BRIP1: variants seen among roughly 807,000 people sequenced by gnomAD.
BRIP1 encodes Fanconi anemia group J protein.
Under a neutral mutation model 119.7 loss-of-function variants are expected in BRIP1, and 88 were observed. That is an observed-to-expected ratio of 0.74 (90% confidence interval 0.62 to 0.88). BRIP1 has a LOEUF of 0.88. Among genes scored for constraint, BRIP1 ranks in the 40% least tolerant of loss-of-function variants. The pLI is 0.00. For synonymous variants in BRIP1, 443 were observed against 496.5 expected (o/e 0.89, Z 1.43); for missense variants, 1,259 against 1,455.4 (o/e 0.87, Z 2.20).
chr17:61,797,917 A>C (rs1247068430), intron 9 of BRIP1, among the ~76,000 whole-genome samples: 1 of 151,910 alleles, frequency 6.6e-6, no homozygotes, highest in Non-Finnish European at 1.5e-5. Context: ...CAATTTCCAT[A>C]CTCTTATACA....
chr17:61,790,145 C>T (rs1350829895), intron 10 of BRIP1, among the ~76,000 whole-genome samples: 1 of 152,186 alleles, frequency 6.6e-6, no homozygotes, highest in Non-Finnish European at 1.5e-5. Flanking sequence ...AGTACTTCAA[C>T]TTCTGTCACC....
rs1232870158 is a variant in BRIP1, at chr17:61,699,639, G to T, written c.2493-6127C>A. Among the ~76,000 whole-genome samples the T allele has an allele frequency of 6.6e-6, 1 of 152,288 alleles. No individual in the cohort carries two copies. The highest frequency in any genetic ancestry group is 2.4e-5 in the African/African-American group (1 of 41,574). Reference sequence around the variant, plus strand: ...ATGCTGGTGCAGAAGAATTAACATTGTAGGTTGGATTGTTTACCCCTAGAA... The same window carrying T: ...ATGCTGGTGCAGAAGAATTAACATTTTAGGTTGGATTGTTTACCCCTAGAA... On this transcript the variant is annotated intron_variant, in intron 17 of 19. Transcript: ENST00000259008. This position sits in a 1 kb window ranked among gnomAD's most constrained non-coding sequence, Gnocchi z 4.8.
At chr17:61,813,411 C>T (rs942110928) in intron 6 of BRIP1, among the ~76,000 whole-genome samples, 2 of 151,978 alleles carry the variant, frequency 1.3e-5, no homozygotes, top group Non-Finnish European at 2.9e-5. Flanking sequence ...TTGCACATAA[C>T]TGTAACTTAG....
At position 61,690,534 on chromosome 17, in the gene BRIP1, G is replaced by A. The variant is rs1204111828; in HGVS notation, c.2575+2896C>T. Among the ~76,000 whole-genome samples the A allele has an allele frequency of 1.3e-5, 2 of 151,998 alleles. No homozygotes were observed. The highest frequency in any genetic ancestry group is 2.9e-5 in the Non-Finnish European group (2 of 67,982). On this transcript the variant is annotated intron_variant, in intron 18 of 19. Coordinates refer to ENST00000259008, the MANE Select transcript of BRIP1 (RefSeq NM_032043.3). The surrounding 1 kb of genome is among the most constrained non-coding windows in gnomAD (Gnocchi z 5.6). ...ATGTAAGACCCATGTAACCACAAAG[G>A]AAATATCTATAGAAGGTATACAAAA...
In BRIP1 at chr17:61,717,314, A is replaced by G. The variant is rs1471384939; in HGVS notation, c.2380-1251T>C. Among the ~76,000 whole-genome samples the G allele has an allele frequency of 6.6e-6, 1 of 152,104 alleles. No individual in the cohort carries two copies. The highest frequency in any genetic ancestry group is 1.5e-5 in the Non-Finnish European group (1 of 67,962). On this transcript the variant is annotated intron_variant, in intron 16 of 19. Coordinates refer to ENST00000259008, the MANE Select transcript of BRIP1 (RefSeq NM_032043.3). This position sits in a 1 kb window ranked among gnomAD's most constrained non-coding sequence, Gnocchi z 4.1. Reference sequence around the variant, plus strand: ...TAAAATATACCGTATTTACCCACAGATTTACCATTTCTGGCACTCTTCATT... The same window carrying G: ...TAAAATATACCGTATTTACCCACAGGTTTACCATTTCTGGCACTCTTCATT...
chr17:61,776,003 C>G lies in BRIP1; in HGVS notation c.2097+398G>C, dbSNP rs2077526807. 3 of 238,126 alleles carry G rather than the reference C, an allele frequency of 1.3e-5. No individual in the cohort carries two copies. The highest frequency in any genetic ancestry group is 2.5e-5 in the Non-Finnish European group (3 of 120,008). 14.8% of individuals were successfully genotyped at this position (238,126 alleles called of 1,614,324 possible). Reference sequence around the variant, plus strand: ...GGCTCAAGCAATCCTCCCACCTCAGCCTCGCAGGTAGCTGGGACTATAGGT... The same window carrying G: ...GGCTCAAGCAATCCTCCCACCTCAGGCTCGCAGGTAGCTGGGACTATAGGT... On this transcript the variant is annotated intron_variant, in intron 14 of 19. Coordinates refer to ENST00000259008, the MANE Select transcript of BRIP1 (RefSeq NM_032043.3). This position sits in a 1 kb window ranked among gnomAD's most constrained non-coding sequence, Gnocchi z 5.0.
rs141055990 is a variant in BRIP1 at position 61,808,531 on chromosome 17, T to C, written c.854A>G (p.His285Arg). The C allele has an allele frequency of 3.3e-5, 54 of 1,613,828 alleles. No individual in the cohort carries two copies. In the African/African-American group the frequency reaches 6.5e-4, roughly 20 times the overall value. ...GTTGAAGTTACCGACTACCTCAGGA[T>C]GGACACAAGTATGATCCCTGCTGGA... is the stretch of plus-strand genomic sequence containing the variant. ...ILSSRDHTCVHPEVVGNFNRN... is the reference protein window; with the variant it reads ...ILSSRDHTCVRPEVVGNFNRN... The change falls in exon 7 of 20, where the codon CAT becomes CGT. Residue 285 changes from histidine to arginine, a missense_variant. Physicochemically the swap from His to Arg is conservative, Grantham distance 29 (BLOSUM62 0). Around this residue, in one of 3 missense-constraint regions of BRIP1, gnomAD observed 501 missense variants for 544.0 expected, o/e 0.92. Transcript: ENST00000259008. This position sits in a 1 kb window ranked among gnomAD's most constrained non-coding sequence, Gnocchi z 4.1.
At chr17:61,801,168 AATT>A (rs2077983979) in intron 8 of BRIP1, 82 bp downstream of exon 8, 6 of 1,335,704 alleles carry the variant, frequency 4.5e-6, no homozygotes, top group Non-Finnish European at 6.4e-6. Flanking sequence ...AAGCAAAAAA[AATT>A]AAAACATCTA....
chr17:61,772,565 TC>T (rs1203809271), intron 14 of BRIP1, among the ~76,000 whole-genome samples: 1 of 152,126 alleles, frequency 6.6e-6, no homozygotes, highest in East Asian at 1.9e-4. Flanking sequence ...ACGCCTGTAA[TC>T]CCAGCACTTT....
At position 61,841,492 on chromosome 17, in the gene BRIP1, A is replaced by G. The variant is rs1481997842; in HGVS notation, c.627+5609T>C. On this transcript the variant is annotated intron_variant, in intron 6 of 19. Transcript: ENST00000259008. The surrounding 1 kb of genome is among the most constrained non-coding windows in gnomAD (Gnocchi z 4.1). ...CAGGGAAATATAAATCAAAAGCACA[A>G]TAAGATATCATCTCACTCAGTTAGA... is the stretch of plus-strand genomic sequence containing the variant. Among the ~76,000 whole-genome samples the G allele has an allele frequency of 2.6e-5, 4 of 152,194 alleles. No individual in the cohort carries two copies. The highest frequency in any genetic ancestry group is 1.9e-4 in the East Asian group (1 of 5,196).
At chr17:61,721,728 C>T (rs565440246) in intron 16 of BRIP1, among the ~76,000 whole-genome samples, 12 of 129,436 alleles carry the variant, frequency 9.3e-5, no homozygotes, top group South Asian at 2.5e-4. Flanking sequence ...GACAGAGTAC[C>T]GCTCAGTCAC....
In BRIP1 at chr17:61,805,025, G is replaced by A. The variant is rs11653175; in HGVS notation, c.918+3442C>T. 0.79 allele frequency among the ~76,000 whole-genome samples: 118,464 copies of A among 150,492 alleles called. 47,183 individuals carry two copies. Among genetic ancestry groups the A allele is most frequent in the African/African-American group, 0.87 (35,818 of 41,018 alleles). Reference sequence around the variant, plus strand: ...GTAAAATTAAATTGTATTTGTATACGTCTGTATAATAAATTAAATTGTATA... The same window carrying A: ...GTAAAATTAAATTGTATTTGTATACATCTGTATAATAAATTAAATTGTATA... On this transcript the variant is annotated intron_variant, in intron 7 of 19. Transcript: ENST00000259008. The surrounding 1 kb of genome is among the most constrained non-coding windows in gnomAD (Gnocchi z 5.6).
At chr17:61,716,836 T>TTTCCATTAC (rs2061886136) in intron 16 of BRIP1, among the ~76,000 whole-genome samples, 1 of 14,860 alleles carries the variant, frequency 6.7e-5, no homozygotes, top group Non-Finnish European at 1.5e-4. Flanking sequence ...TACTGGATTA[T>TTTCCATTAC]TAGCTATGTC....
Position 61,683,970 on chromosome 17 carries a change from A to G in BRIP1, c.3076T>C (p.Ser1026Pro), listed in dbSNP as rs756712872. 2 of 1,614,186 alleles carry G rather than the reference A, an allele frequency of 1.2e-6. No homozygotes were observed. Among genetic ancestry groups the G allele is most frequent in the South Asian group, 1.1e-5 (1 of 91,078 alleles). ...GGAGGACTAGAGGCACTATTCTCTG[A>G]TGACCCGAGCTCAGGTGTTGCCTTC... Reference protein sequence around the residue: ...IPKATPELGSSENSASSPPRF... With the variant: ...IPKATPELGSPENSASSPPRF... Residue 1026 changes from serine to proline, a missense_variant, in exon 20 of 20, where the codon TCA (serine) becomes CCA (proline). This residue lies in a region of BRIP1 where 753 missense variants were observed against 891.8 expected (regional missense o/e 0.84). Coordinates refer to ENST00000259008, the MANE Select transcript of BRIP1 (RefSeq NM_032043.3). The surrounding 1 kb of genome is among the most constrained non-coding windows in gnomAD (Gnocchi z 4.7).
intron 4 of BRIP1, among the ~76,000 whole-genome samples, chr17:61,850,597 G>A (rs2078804994): frequency 6.6e-6 from 1 of 152,040 alleles, no homozygotes; most frequent in Non-Finnish European, 1.5e-5. Flanking sequence ...GAAGGCCGAG[G>A]CGAGTGGATC....
chr17:61,787,122 ATAT>A (rs2077732530), intron 10 of BRIP1, among the ~76,000 whole-genome samples: 1 of 111,980 alleles, frequency 8.9e-6, no homozygotes, highest in African/African-American at 3.7e-5. Flanking sequence ...AATATATAAT[ATAT>A]TATATACTAT....
chr17:61,777,372 G>C (rs1452187141), intron 13 of BRIP1, among the ~76,000 whole-genome samples: 1 of 152,094 alleles, frequency 6.6e-6, no homozygotes, highest in Non-Finnish European at 1.5e-5. Context: ...AATCAATTCT[G>C]CAACAGACAT....
chr17:61,747,111 A>G (rs2077067936), intron 14 of BRIP1, among the ~76,000 whole-genome samples: 1 of 152,210 alleles, frequency 6.6e-6, no homozygotes, highest in Non-Finnish European at 1.5e-5. Flanking sequence ...AATCAAAAGG[A>G]AAGTTATGAA....
chr17:61,763,955 A>T (rs1292411676), intron 14 of BRIP1, among the ~76,000 whole-genome samples: 1 of 152,220 alleles, frequency 6.6e-6, no homozygotes, highest in African/African-American at 2.4e-5. Context: ...TACATGAGGT[A>T]TCAAATATCC....
Sources: gnomAD v4.1 joint callset for allele counts (sites outside exome capture counted in the v4.1 genomes callset) on GRCh38, gnomAD v4.1.1 for gene constraint, gnomAD v4.1.1 regional missense constraint, Gnocchi (gnomAD v3.1) non-coding constraint, MANE v1.5 for transcripts, NCBI Gene and HGNC (gene_info 2026-07-23, HGNC 2026-07-21) for gene names.